The following PARD3 variants were observed in gnomAD, a reference collection of about 807,000 sequenced individuals.
The protein encoded by PARD3 is par-3 family cell polarity regulator, also known as partitioning defective 3 homolog.
Under a neutral mutation model 155.4 loss-of-function variants are expected in PARD3, and 75 were observed. That is an observed-to-expected ratio of 0.48 (90% CI 0.40 to 0.58). The LOEUF (loss-of-function observed/expected upper bound fraction) is 0.58. Among genes scored for constraint, PARD3 ranks in the 20% least tolerant of loss-of-function variants. The pLI, the probability that PARD3 is intolerant of heterozygous loss-of-function variation, is 0.00. For missense variants in PARD3, 1,642 were observed against 1,721.7 expected, an observed-to-expected ratio of 0.95 and a Z score of 0.82; for synonymous variants, 576 against 610.5, an observed-to-expected ratio of 0.94 and a Z score of 0.83.
chr10:34,325,526 C>G (rs894743876), intron 19 of PARD3, among the ~76,000 whole-genome samples: 4 of 152,086 alleles, frequency 2.6e-5, no homozygotes, highest in African/African-American at 4.8e-5. Context: ...CACCCCTACA[C>G]CACCACCCCC....
chr10:34,735,771 G>T (rs1304193720), intron 1 of PARD3, among the ~76,000 whole-genome samples: 1 of 152,100 alleles, frequency 6.6e-6, no homozygotes, highest in Non-Finnish European at 1.5e-5. Context: ...GTAAGTGGCG[G>T]ATATCAGTAC....
At position 34,267,469 on chromosome 10, in the gene PARD3, G is replaced by C. The variant is rs573480928; in HGVS notation, c.3419+2188C>G. On this transcript the variant is annotated intron_variant, in intron 22 of 24. Coordinates refer to ENST00000374788, the MANE Select transcript of PARD3 (RefSeq NM_001184785.2). Reference sequence around the variant, plus strand: ...ATAGTCAATATCAAACAGACCTACAGATTTTCATAAGACCATAAGGAAAAC... The same window carrying C: ...ATAGTCAATATCAAACAGACCTACACATTTTCATAAGACCATAAGGAAAAC... 1.5e-3 allele frequency among the ~76,000 whole-genome samples: 235 copies of C among 152,214 alleles called. 1 individual carries two copies. The highest frequency in any genetic ancestry group is 2.6e-3 in the Non-Finnish European group (177 of 68,022).
chr10:34,612,713 G>A (rs1181845309), intron 2 of PARD3, among the ~76,000 whole-genome samples: 1 of 152,164 alleles, frequency 6.6e-6, no homozygotes, highest in Non-Finnish European at 1.5e-5. Context: ...TCTTAATGCT[G>A]GTATATAGTA....
At chr10:34,383,206 A>C (rs1301563696) in intron 8 of PARD3, among the ~76,000 whole-genome samples, 2 of 152,182 alleles carry the variant, frequency 1.3e-5, no homozygotes, top group Non-Finnish European at 2.9e-5. Flanking sequence ...AACATGTTTT[A>C]AGTATAACAA....
At chr10:34,591,403 C>T (rs1211130165) in intron 2 of PARD3, among the ~76,000 whole-genome samples, 1 of 152,124 alleles carries the variant, frequency 6.6e-6, no homozygotes, top group African/African-American at 2.4e-5. Context: ...TTTACCCATT[C>T]ATTCTCTCAT....
At chr10:34,315,842 TGA>T (rs1465999590) in intron 20 of PARD3, among the ~76,000 whole-genome samples, 1 of 152,188 alleles carries the variant, frequency 6.6e-6, no homozygotes, top group Non-Finnish European at 1.5e-5. Flanking sequence ...TCTGAAGCAC[TGA>T]GAGACAGAAA....
intron 2 of PARD3, among the ~76,000 whole-genome samples, chr10:34,545,467 T>C (rs973262351): frequency 1.3e-5 from 2 of 152,198 alleles, no homozygotes; most frequent in African/African-American, 2.4e-5. Flanking sequence ...GACATGGACA[T>C]TGACAGAAAA....
At chr10:34,222,992 A>G (rs1952388376) in intron 22 of PARD3, among the ~76,000 whole-genome samples, 1 of 152,170 alleles carries the variant, frequency 6.6e-6, no homozygotes, top group Admixed American at 6.5e-5. Context: ...TGGGCCCGGA[A>G]TTGTTCAGGC....
chr10:34,206,770 G>T (rs560097249), intron 22 of PARD3, among the ~76,000 whole-genome samples: 13 of 152,326 alleles, frequency 8.5e-5, no homozygotes, highest in African/African-American at 3.1e-4. Flanking sequence ...GAAACTTCCA[G>T]GTGTTGCCAT....
chr10:34,662,906 C>T (rs2496728), intron 2 of PARD3, among the ~76,000 whole-genome samples: 53,434 of 149,870 alleles, frequency 0.36, 9,591 homozygotes, highest in South Asian at 0.43. Context: ...TGAAGATCAT[C>T]ATCTTAAGTG....
chr10:34,748,768 CCCTGCTGCAGTGCAGG>C (rs1302465444), intron 1 of PARD3, among the ~76,000 whole-genome samples: 1 of 152,164 alleles, frequency 6.6e-6, no homozygotes, highest in African/African-American at 2.4e-5. Context: ...AGCACCCGCT[CCCTGCTGCAGTGCAGG>C]CACTGCAGCA....
At chr10:34,639,885 A>G (rs979673866) in intron 2 of PARD3, among the ~76,000 whole-genome samples, 1 of 152,190 alleles carries the variant, frequency 6.6e-6, no homozygotes. Context: ...CCACACACAC[A>G]CAGTAAAAGA....
At chr10:34,120,183 A>ATT (rs57670906) in intron 23 of PARD3, among the ~76,000 whole-genome samples, 118 of 113,662 alleles carry the variant, frequency 1.0e-3, no homozygotes, top group Middle Eastern at 4.3e-3. Flanking sequence ...TGCCTGGCTA[A>ATT]TTTTTTTTTT....
At chr10:34,161,281 T>C (rs1416383590) in intron 22 of PARD3, among the ~76,000 whole-genome samples, 1 of 146,032 alleles carries the variant, frequency 6.8e-6, no homozygotes. Flanking sequence ...GAGTGAGAAT[T>C]AGCATGAAAT....
intron 3 of PARD3, among the ~76,000 whole-genome samples, chr10:34,480,375 T>C (rs931118614): frequency 1.3e-5 from 2 of 152,188 alleles, no homozygotes; most frequent in African/African-American, 4.8e-5. Context: ...ACTGAGACTA[T>C]AGGTGGACAC....
chr10:34,379,378 T>G (rs993706419), intron 9 of PARD3, among the ~76,000 whole-genome samples: 1 of 152,124 alleles, frequency 6.6e-6, no homozygotes, highest in African/African-American at 2.4e-5. Flanking sequence ...GAAGTCACTT[T>G]AGGGTGCTTG....
chr10:34,203,120 T>C (rs1044831365), intron 22 of PARD3, among the ~76,000 whole-genome samples: 1 of 152,220 alleles, frequency 6.6e-6, no homozygotes, highest in Non-Finnish European at 1.5e-5. Context: ...GAAAATATGA[T>C]GGTTTAGTTT....
At chr10:34,261,697 AAAGGAAGAAAGG>A (rs1218815879) in intron 22 of PARD3, among the ~76,000 whole-genome samples, 2 of 116,852 alleles carry the variant, frequency 1.7e-5, no homozygotes, top group South Asian at 2.4e-4. Context: ...TCAAAGAAAG[AAAGGAAGAAAGG>A]AAGGAAGAAA....
chr10:34,384,307 A>C (rs1194531649), intron 7 of PARD3, 53 bp from the exon 8 acceptor site: 1 of 1,541,090 alleles, frequency 6.5e-7, no homozygotes, highest in South Asian at 1.2e-5. Flanking sequence ...CACCATGCAC[A>C]CTGCCTTACC....
Sources: gnomAD v4.1 joint callset for allele counts (sites outside exome capture counted in the v4.1 genomes callset) on GRCh38, gnomAD v4.1.1 for gene constraint, MANE v1.5 for transcripts, NCBI Gene and HGNC (gene_info 2026-07-23, HGNC 2026-07-21) for gene names.